Variants in UNC80 observed in about 807,000 individuals in gnomAD.
UNC80 encodes the protein unc-80 subunit of NALCN channel complex, also known as protein unc-80 homolog.
In UNC80, 164 loss-of-function variants were observed where a neutral mutation model predicts 384.6. The observed-to-expected ratio is 0.43, with a 90% confidence interval of 0.38 to 0.49. UNC80 has a LOEUF of 0.49. Among genes scored for constraint, UNC80 ranks in the 20% least tolerant of loss-of-function variants. UNC80 has a pLI of 0.00. For missense variants in UNC80, 3,330 were observed against 4,143.0 expected (o/e 0.80, Z 5.39); for synonymous variants, 1,486 against 1,527.8 (o/e 0.97, Z 0.64).
At chr2:209,972,838 T>C (rs970189713) in intron 55 of UNC80, among the ~76,000 whole-genome samples, 1 of 152,182 alleles carries the variant, frequency 6.6e-6, no homozygotes, top group African/African-American at 2.4e-5. Context: ...AGCGAGACAT[T>C]TGGCTAAGAC....
chr2:209,819,173 C>T lies in UNC80; in HGVS notation c.1874C>T (p.Ser625Phe). ...AACCTACCTCGAAGCCTCACAGACT[C>T]CTGCATAAACTACAGCTACCTAGAG... Reference protein sequence around the residue: ...CANLPRSLTDSCINYSYLEDT... With the variant: ...CANLPRSLTDFCINYSYLEDT... Residue 625 changes from serine (S) to phenylalanine (F), a missense_variant, in exon 12 of 65, where the codon TCC becomes TTC. Ser to Phe is a radical substitution (Grantham distance 155). This residue lies in a region of UNC80 where 937 missense variants were observed against 1,026.8 expected (regional missense o/e 0.91). Transcript: ENST00000673920. 2 of 1,552,156 alleles carry T rather than the reference C, an allele frequency of 1.3e-6. No individual in the cohort carries two copies. Among genetic ancestry groups the T allele is most frequent in the Middle Eastern group, 3.3e-4 (2 of 5,996 alleles).
chr2:209,901,722 C>A (rs1279504953), intron 28 of UNC80, among the ~76,000 whole-genome samples: 2 of 152,028 alleles, frequency 1.3e-5, no homozygotes, highest in Non-Finnish European at 2.9e-5. Flanking sequence ...GTCAGGAGAT[C>A]AAGACCATCC....
At chr2:209,784,396 G>T (rs773336206) in intron 4 of UNC80, among the ~76,000 whole-genome samples, 2 of 152,008 alleles carry the variant, frequency 1.3e-5, no homozygotes, top group Admixed American at 6.6e-5. Context: ...TCCTTATCAA[G>T]ACCTATCAGG....
chr2:209,974,305 A>G lies in UNC80; in HGVS notation c.8587+1035A>G, dbSNP rs116082421. ...AAGGAGAAAAAGACACAAGGAATGC[A>G]TGTACCTAGGACTAACCCATATGGA... On this transcript the variant is annotated intron_variant, in intron 56 of 64. Transcript: ENST00000673920. 9.9e-3 allele frequency among the ~76,000 whole-genome samples: 1,507 copies of G among 152,304 alleles called. 22 individuals carry two copies. The highest frequency in any genetic ancestry group is 0.035 in the African/African-American group (1,450 of 41,552).
Position 209,815,409 on chromosome 2 carries a change from T to C in UNC80, c.1335+18T>C, listed in dbSNP as rs2079660598. The C allele has an allele frequency of 2.6e-6, 4 of 1,545,844 alleles. No homozygotes were observed. Among genetic ancestry groups the C allele is most frequent in the East Asian group, 4.9e-5 (2 of 40,782 alleles). On this transcript the variant is annotated intron_variant, in intron 9 of 64. Coordinates refer to ENST00000673920, the MANE Select transcript of UNC80 (RefSeq NM_001371986.1). ...TTAAAAAGGTGAGTAGAAATGCTTA[T>C]GCTCTTTGATATTTTGGTAAATAAA... is the stretch of plus-strand genomic sequence containing the variant.
At chr2:209,835,054 T>C in intron 18 of UNC80, 44 bp downstream of exon 18, 3 of 1,411,918 alleles carry the variant, frequency 2.1e-6, no homozygotes, top group Non-Finnish European at 2.9e-6. Flanking sequence ...GGCTATGCAC[T>C]TCACTCTGGA....
intron 61 of UNC80, among the ~76,000 whole-genome samples, chr2:209,985,745 G>T (rs1044062253): frequency 2.0e-5 from 3 of 152,092 alleles, no homozygotes; most frequent in African/African-American, 7.2e-5. Context: ...GTATCTTTGT[G>T]CCATCTCAAG....
intron 28 of UNC80, among the ~76,000 whole-genome samples, chr2:209,903,320 A>ATG (rs34002751): frequency 0.62 from 65,398 of 105,440 alleles, 21,134 homozygotes; most frequent in Non-Finnish European, 0.72. Flanking sequence ...ATTATATTAT[A>ATG]TGTGTGTGTG....
intron 21 of UNC80, chr2:209,845,245 A>G (rs1442670729): frequency 6.6e-6 from 1 of 152,004 alleles, no homozygotes; most frequent in Non-Finnish European, 1.5e-5. Flanking sequence ...GTGAGACATA[A>G]ATGTTTGTTG....
intron 6 of UNC80, among the ~76,000 whole-genome samples, chr2:209,790,794 T>C (rs921718057): frequency 5.3e-5 from 8 of 152,308 alleles, no homozygotes; most frequent in African/African-American, 1.9e-4. Flanking sequence ...TATACTTTCC[T>C]CTTACATAGA....
At position 209,976,138 on chromosome 2, in the gene UNC80, C is replaced by T. The variant is rs1303757284; in HGVS notation, c.8607C>T (p.Val2869=). 1 of 1,551,250 alleles carries T rather than the reference C, an allele frequency of 6.4e-7. No individual in the cohort carries two copies. The highest frequency in any genetic ancestry group is 1.4e-5 in the African/African-American group (1 of 73,016). The part of the protein sequence containing the change: ...AAYLALKVIL[V]CFERQLGSQW... ...GTGAAGCGCTGAAGGTGATTCTCGT[C>T]TGCTTTGAGAGGCAGCTCGGAAGCC... The change falls in exon 57 of 65, where the codon GTC becomes GTT. Residue 2869 remains valine (V), a synonymous_variant. Transcript: ENST00000673920. The surrounding 1 kb of genome is among the most constrained non-coding windows in gnomAD (Gnocchi z 4.3).
intron 13 of UNC80, among the ~76,000 whole-genome samples, chr2:209,824,383 T>C (rs1304679987): frequency 1.3e-5 from 2 of 152,144 alleles, no homozygotes; most frequent in South Asian, 2.1e-4. Flanking sequence ...TAGGGAGAAA[T>C]TGAACTGCAG....
chr2:209,915,404 CAA>C (rs5838189), intron 31 of UNC80, among the ~76,000 whole-genome samples: 42 of 76,952 alleles, frequency 5.5e-4, no homozygotes, highest in East Asian at 7.0e-4. Flanking sequence ...GACTCTGTCT[CAA>C]AAAAAAAAAA....
At chr2:209,864,089 A>AT (rs2124867101) in intron 22 of UNC80, among the ~76,000 whole-genome samples, 1 of 151,358 alleles carries the variant, frequency 6.6e-6, no homozygotes, top group East Asian at 2.0e-4. Context: ...TTTTATTTCA[A>AT]TGGTCAGGTT....
chr2:209,982,397 A>G (rs896897125), intron 60 of UNC80, 80 bp downstream of exon 60: 146 of 1,406,532 alleles, frequency 1.0e-4, no homozygotes, highest in Non-Finnish European at 1.3e-4. Context: ...GTTATTCTAC[A>G]AAGACAGAAA....
At chr2:209,967,386 G>A (rs1575169170) in intron 51 of UNC80, 51 bp from the exon 52 acceptor site, 4 of 1,335,672 alleles carry the variant, frequency 3.0e-6, no homozygotes, top group Non-Finnish European at 3.9e-6. Flanking sequence ...TTCCTGTTGT[G>A]TAATTCTAAG....
At chr2:209,791,074 T>C (rs2077765985) in intron 6 of UNC80, among the ~76,000 whole-genome samples, 1 of 152,206 alleles carries the variant, frequency 6.6e-6, no homozygotes, top group Non-Finnish European at 1.5e-5. Flanking sequence ...CTTTTCGTTA[T>C]GTTGCTCAGA....
intron 27 of UNC80, among the ~76,000 whole-genome samples, chr2:209,895,470 A>G (rs1322215831): frequency 6.6e-6 from 1 of 152,216 alleles, no homozygotes. Flanking sequence ...GCATTACTTA[A>G]GATTCAGCTT....
chr2:209,911,146 A>T (rs2088890225), intron 29 of UNC80, among the ~76,000 whole-genome samples: 1 of 151,718 alleles, frequency 6.6e-6, no homozygotes, highest in South Asian at 2.1e-4. Flanking sequence ...GAGTGCAAGC[A>T]GGGGTACATT....
Sources: gnomAD v4.1 joint callset for allele counts (sites outside exome capture counted in the v4.1 genomes callset) on GRCh38, gnomAD v4.1.1 for gene constraint, gnomAD v4.1.1 regional missense constraint, Gnocchi (gnomAD v3.1) non-coding constraint, MANE v1.5 for transcripts, NCBI Gene and HGNC (gene_info 2026-07-23, HGNC 2026-07-21) for gene names.